MCM5: variants seen among roughly 807,000 people sequenced by gnomAD.
The protein encoded by MCM5 is minichromosome maintenance complex component 5.
A neutral mutation model predicts 79.9 loss-of-function variants in MCM5; 46 were observed. The observed-to-expected ratio is 0.58, with a 90% CI of 0.45 to 0.74. The LOEUF is 0.74. Among genes scored for constraint, MCM5 ranks in the 30% least tolerant of loss-of-function variants. The pLI is 0.00. For missense variants in MCM5, 883 were observed against 1,017.0 expected (o/e 0.87, Z 1.79); for synonymous variants, 404 against 390.5 (o/e 1.03, Z -0.41).
intron 8 of MCM5, among the ~76,000 whole-genome samples, chr22:35,413,531 C>T (rs1420139721): frequency 2.6e-5 from 4 of 152,298 alleles, no homozygotes; most frequent in East Asian, 3.9e-4. Flanking sequence ...TCTGCCGCAC[C>T]GTGCACAGCC....
intron 15 of MCM5, chr22:35,422,929 T>C (rs1287612481): frequency 3.7e-6 from 1 of 267,880 alleles, no homozygotes; most frequent in Non-Finnish European, 7.0e-6. Context: ...TGGTCCCTAG[T>C]GACACTCTGG....
Position 35,417,855 on chromosome 22 carries a change from G to C in MCM5, c.1702G>C (p.Val568Leu), listed in dbSNP as rs1601761019. The C allele has an allele frequency of 6.2e-7, 1 of 1,613,254 alleles. No homozygotes were observed. Among genetic ancestry groups the C allele is most frequent in the Non-Finnish European group, 8.5e-7 (1 of 1,179,218 alleles). ...GAAGAAGTTTATTGCCTACTGCCGAGTGTGAGTCCTGGACGCAGGCCCACG... is the reference window on the plus strand; with the variant it reads ...GAAGAAGTTTATTGCCTACTGCCGACTGTGAGTCCTGGACGCAGGCCCACG... The part of the protein sequence containing the change: ...KLKKFIAYCR[V>L]KCGPRLSAEA... The change falls in exon 13 of 17, where the codon GTG (valine) becomes CTG (leucine). Residue 568 changes from valine to leucine, a missense_variant and splice_region_variant. Val to Leu is a conservative substitution (Grantham distance 32). Transcript: ENST00000216122.
the MCM5 span, among the ~76,000 whole-genome samples, chr22:35,440,160 C>T: frequency 6.6e-6 from 1 of 152,158 alleles, no homozygotes; most frequent in Non-Finnish European, 1.5e-5. Context: ...TCTCATGATA[C>T]TTAGACTTTA....
At chr22:35,418,107 G>A (rs1056429035) in intron 13 of MCM5, among the ~76,000 whole-genome samples, 1 of 152,196 alleles carries the variant, frequency 6.6e-6, no homozygotes, top group Non-Finnish European at 1.5e-5. Context: ...CCTCGAGTCT[G>A]ACATGCAGGG....
the MCM5 span, among the ~76,000 whole-genome samples, chr22:35,444,433 G>A: frequency 6.6e-6 from 1 of 152,296 alleles, no homozygotes; most frequent in Non-Finnish European, 1.5e-5. Context: ...TAGCTGCCCT[G>A]CTGGGGCTGG....
At chr22:35,452,216 C>G in the MCM5 span, among the ~76,000 whole-genome samples, 2 of 151,960 alleles carry the variant, frequency 1.3e-5, no homozygotes, top group Admixed American at 1.3e-4. Flanking sequence ...CCTTCAGCTT[C>G]GTCCAGCACC....
Position 35,421,411 on chromosome 22 carries a change from G to A in MCM5, c.1926G>A (p.Arg642=), listed in dbSNP as rs771067270. Residue 642 remains arginine, a synonymous_variant, in exon 15 of 17, where the codon CGG becomes CGA. Coordinates refer to ENST00000216122, the MANE Select transcript of MCM5 (RefSeq NM_006739.4). ...AGGCAGATGTGGAGGAGGCCCTGCG[G>A]CTCTTCCAAGTGTCCACGTTGGATG... The part of the protein sequence containing the change: ...ATEADVEEAL[R]LFQVSTLDAA... 6.2e-7 allele frequency: 1 copy of A among 1,614,176 alleles called. No homozygotes were observed. Among genetic ancestry groups the A allele is most frequent in the South Asian group, 1.1e-5 (1 of 91,088 alleles).
intron 8 of MCM5, among the ~76,000 whole-genome samples, chr22:35,413,150 C>T (rs959346180): frequency 6.6e-6 from 1 of 151,930 alleles, no homozygotes; most frequent in South Asian, 2.1e-4. Context: ...TCACACCATT[C>T]TCCTGCCTCA....
At chr22:35,431,921 T>C in the MCM5 span, among the ~76,000 whole-genome samples, 1 of 152,212 alleles carries the variant, frequency 6.6e-6, no homozygotes, top group South Asian at 2.1e-4. Flanking sequence ...CCTCTCACTT[T>C]ATGCCTGGTG....
In MCM5 at chr22:35,405,019, A is replaced by AT. The variant is rs1472882520; in HGVS notation, c.423+1477_423+1478insT. On this transcript the variant is annotated intron_variant, in intron 4 of 16. Coordinates refer to ENST00000216122, the MANE Select transcript of MCM5 (RefSeq NM_006739.4). ...GCTTAATAATTAGCAACTAGAGGCC[A>AT]ATTTTTTTTTTTTTTTTTTTTTGAG... 3.9e-4 allele frequency among the ~76,000 whole-genome samples: 50 copies of AT among 127,776 alleles called. 1 individual carries two copies. In the South Asian group the frequency reaches 8.7e-3, roughly 22 times the overall value. 83.8% of individuals were successfully genotyped at this position (127,776 alleles called of 152,430 possible).
the MCM5 span, among the ~76,000 whole-genome samples, chr22:35,437,035 T>C: frequency 7.2e-5 from 11 of 152,292 alleles, 1 homozygote; most frequent in South Asian, 1.5e-3. Context: ...TCCAGAAATT[T>C]CTCTGAACAC....
chr22:35,424,534 C>T lies in MCM5; in HGVS notation c.*279C>T, dbSNP rs1932759590. The T allele has an allele frequency of 3.0e-6, 1 of 331,126 alleles. No individual in the cohort carries two copies. The highest frequency in any genetic ancestry group is 2.1e-5 in the African/African-American group (1 of 46,634). The allele number at this position is 331,126 out of a possible 1,614,324, so 20.5% of individuals were successfully genotyped here. A position where few individuals can be genotyped will look rare whatever the true frequency, so the allele number is the denominator to read the frequency against. On this transcript the variant is annotated 3_prime_UTR_variant, in exon 17 of 17. Transcript: ENST00000216122. ...GGTTTGTGCACTCGGTGACCTGTCA[C>T]CTCCATCGTGCCCTCATGGCAGGGT...
the MCM5 span, among the ~76,000 whole-genome samples, chr22:35,448,996 G>A: frequency 1.3e-5 from 2 of 152,212 alleles, no homozygotes; most frequent in Non-Finnish European, 2.9e-5. Context: ...TCATGGTCAA[G>A]TCCAGCATCA....
Position 35,419,792 on chromosome 22 carries a change from A to G in MCM5, c.1704-92A>G, listed in dbSNP as rs148856070. On this transcript the variant is annotated intron_variant, in intron 13 of 16. Transcript: ENST00000216122. ...CAGCTGTGGTGTGGTGGGAAAGTGC[A>G]TGTCTGTAAGCTGGCAGGGGGCTGG... 50 of 1,363,612 alleles carry G rather than the reference A, an allele frequency of 3.7e-5. No homozygotes were observed. In the African/African-American group the frequency reaches 5.8e-4, roughly 16 times the overall value. The allele number at this position is 1,363,612 out of a possible 1,614,324, so 84.5% of individuals were successfully genotyped here.
the MCM5 span, among the ~76,000 whole-genome samples, chr22:35,440,159 A>C: frequency 2.0e-5 from 3 of 152,356 alleles, no homozygotes; most frequent in South Asian, 6.2e-4. Context: ...ATCTCATGAT[A>C]CTTAGACTTT....
the MCM5 span, among the ~76,000 whole-genome samples, chr22:35,442,986 T>A: frequency 6.6e-6 from 1 of 152,164 alleles, no homozygotes; most frequent in Admixed American, 6.5e-5. Context: ...TGCCCTGGCC[T>A]TTGGGTCCCC....
chr22:35,453,819 T>TATATATATATATATATATAG, the MCM5 span, among the ~76,000 whole-genome samples: 1 of 81,548 alleles, frequency 1.2e-5, no homozygotes, highest in Non-Finnish European at 2.2e-5. Context: ...TATATATATA[T>TATATATATATATATATATAG]AGAGAGAGAG....
intron 14 of MCM5, among the ~76,000 whole-genome samples, chr22:35,420,898 CAGG>C (rs1282320569): frequency 1.3e-5 from 2 of 152,050 alleles, no homozygotes; most frequent in African/African-American, 4.8e-5. Context: ...GAGGCTGAGG[CAGG>C]AGGATTACTT....
At chr22:35,409,805 T>C (rs1488338954) in intron 6 of MCM5, 1 of 152,300 alleles carries the variant, frequency 6.6e-6, no homozygotes, top group African/African-American at 2.4e-5. Context: ...GGGCAAGTTA[T>C]GTGACTTTGT....
Sources: gnomAD v4.1 joint callset for allele counts (sites outside exome capture counted in the v4.1 genomes callset) on GRCh38, gnomAD v4.1.1 for gene constraint, MANE v1.5 for transcripts, NCBI Gene and HGNC (gene_info 2026-07-23, HGNC 2026-07-21) for gene names.